The following CCNF variants were observed in gnomAD, a reference collection of about 807,000 sequenced individuals.
The protein encoded by CCNF is cyclin F.
Under a neutral mutation model 85.4 loss-of-function variants are expected in CCNF, and 30 were observed. The ratio of observed to expected loss-of-function variants is 0.35; its 90% CI spans 0.26 to 0.48. The LOEUF is 0.48. Ranked by LOEUF, CCNF falls within the 20% of genes least tolerant of loss-of-function variation. The probability of loss-of-function intolerance (pLI) is 0.99; values close to 1 mark genes in which losing one functional copy is unlikely to be tolerated. For missense variants in CCNF, 919 were observed against 1,010.4 expected, an observed-to-expected ratio of 0.91 and a Z score of 1.23; for synonymous variants, 439 against 425.1, an observed-to-expected ratio of 1.03 and a Z score of -0.40.
chr16:2,434,956 G>A (rs943861704), intron 3 of CCNF, among the ~76,000 whole-genome samples: 5 of 152,096 alleles, frequency 3.3e-5, no homozygotes, highest in African/African-American at 1.2e-4. Flanking sequence ...TTGATTACAT[G>A]TTATTAAGAA....
In CCNF at chr16:2,453,427, G is replaced by A. The variant is rs763692643; in HGVS notation, c.1605G>A (p.Gln535=). 1 of 1,614,034 alleles carries A rather than the reference G, an allele frequency of 6.2e-7. No homozygotes were observed. Among genetic ancestry groups the A allele is most frequent in the South Asian group, 1.1e-5 (1 of 91,084 alleles). The part of the protein sequence containing the change: ...ISQEEVLSYS[Q]LCAALGVTQD... ...CCCCTCAGGTGCTGAGCTACAGCCA[G>A]TTGTGTGCTGCATTAGGAGTGACAC... Residue 535 remains glutamine (Q), a synonymous_variant, in exon 15 of 17, where the codon CAG becomes CAA. Coordinates refer to ENST00000397066, the MANE Select transcript of CCNF (RefSeq NM_001761.3). This position sits in a 1 kb window ranked among gnomAD's most constrained non-coding sequence, Gnocchi z 5.6.
In CCNF at chr16:2,435,246, T is replaced by A. The variant is rs375251632; in HGVS notation, c.279-560T>A. ...AGCCTGGGCAACAGAGCAGACTCCG[T>A]CTCAAAAAAAAAAAAGAAAAGAAAA... is the stretch of plus-strand genomic sequence containing the variant. On this transcript the variant is annotated intron_variant, in intron 3 of 16. Transcript: ENST00000397066. Among the ~76,000 whole-genome samples, 3 of 105,290 alleles carry A rather than the reference T, an allele frequency of 2.8e-5. No homozygotes were observed. The East Asian group carries it at 8.1e-4, about 28-fold the overall frequency. The allele number at this position is 105,290 out of a possible 152,430, so 69.1% of individuals were successfully genotyped here. A position where few individuals can be genotyped will look rare whatever the true frequency, so the allele number is the denominator to read the frequency against.
chr16:2,431,414 C>T, intron 2 of CCNF, 130 bp downstream of exon 2: 2 of 949,636 alleles, frequency 2.1e-6, no homozygotes, highest in South Asian at 1.6e-5. Flanking sequence ...CACGGTGGCT[C>T]ATGCCTTAAT....
At chr16:2,438,936 TTTAG>T (rs1379974818) in intron 6 of CCNF, among the ~76,000 whole-genome samples, 2 of 150,792 alleles carry the variant, frequency 1.3e-5, no homozygotes, top group Non-Finnish European at 2.9e-5. Flanking sequence ...AAGCTGAGGT[TTTAG>T]TTAGCCAAGA....
In CCNF at chr16:2,437,305, G is replaced by T; in HGVS notation, c.523G>T (p.Glu175Ter). The change falls in exon 5 of 17, where the codon GAG becomes TAG. Residue 175 changes from glutamate to a stop codon, truncating the protein, a stop_gained. Coordinates refer to ENST00000397066, the MANE Select transcript of CCNF (RefSeq NM_001761.3). LOFTEE classifies it high-confidence loss of function. ...KAVVHESLRA[E>*]CQLQRTHKAS... The stretch of plus-strand genomic sequence containing the variant: ...CGTGGTTCACGAGAGCCTCAGGGCA[G>T]AGTGCCAGCTGCAGAGGGTGAGTCT... 1 of 1,594,946 alleles carries T rather than the reference G, an allele frequency of 6.3e-7. No individual in the cohort carries two copies.
At chr16:2,454,057 C>CT (rs2065410663) in intron 15 of CCNF, among the ~76,000 whole-genome samples, 1 of 152,206 alleles carries the variant, frequency 6.6e-6, no homozygotes, top group Non-Finnish European at 1.5e-5. Context: ...CACAAGGCCC[C>CT]GATGAACAGG....
chr16:2,440,842 G>A (rs763592119), intron 8 of CCNF, among the ~76,000 whole-genome samples: 3 of 152,126 alleles, frequency 2.0e-5, no homozygotes, highest in Non-Finnish European at 2.9e-5. Flanking sequence ...CAATCCCAGC[G>A]CTGTAGGAGG....
At chr16:2,431,090 T>A in intron 1 of CCNF, 40 bp from the exon 2 acceptor site, 1 of 1,606,628 alleles carries the variant, frequency 6.2e-7, no homozygotes, top group African/African-American at 1.3e-5. Flanking sequence ...TATAGAATAA[T>A]TTTTCATCTT....
chr16:2,448,912 T>C lies in CCNF; in HGVS notation c.1152T>C (p.Thr384=). Residue 384 remains threonine, a synonymous_variant, in exon 11 of 17, where the codon ACT becomes ACC. Coordinates refer to ENST00000397066, the MANE Select transcript of CCNF (RefSeq NM_001761.3). ...IREAVWLTDN[T]YKYEDLVRMM... ...AGGCCGTATGGCTCACGGACAACACTTACAAGTACGAGGACCTGGTGAGAA... is the reference window on the plus strand; with the variant it reads ...AGGCCGTATGGCTCACGGACAACACCTACAAGTACGAGGACCTGGTGAGAA... 1 of 1,613,942 alleles carries C rather than the reference T, an allele frequency of 6.2e-7. No homozygotes were observed. Among genetic ancestry groups the C allele is most frequent in the Admixed American group, 1.7e-5 (1 of 60,022 alleles).
At chr16:2,446,190 T>C (rs1243324757) in intron 10 of CCNF, among the ~76,000 whole-genome samples, 1 of 151,928 alleles carries the variant, frequency 6.6e-6, no homozygotes, top group East Asian at 1.9e-4. Context: ...TGGCATGCAG[T>C]CTCAGGACCC....
rs754435611 is a variant in CCNF, at chr16:2,445,473, C to G, written c.945C>G (p.Asp315Glu). 2 of 1,614,028 alleles carry G rather than the reference C, an allele frequency of 1.2e-6. No homozygotes were observed. The highest frequency in any genetic ancestry group is 1.3e-5 in the African/African-American group (1 of 74,944). Reference protein sequence around the residue: ...LNDTMRYILIDWLVEVATMKD... With the variant: ...LNDTMRYILIEWLVEVATMKD... Reference sequence around the variant, plus strand: ...CTTTCCGCAGGTACATTCTGATCGACTGGCTGGTGGAAGTTGCCACCATGA... The same window carrying G: ...CTTTCCGCAGGTACATTCTGATCGAGTGGCTGGTGGAAGTTGCCACCATGA... The change falls in exon 10 of 17, where the codon GAC becomes GAG. Residue 315 changes from aspartate (D) to glutamate (E), a missense_variant. Physicochemically the swap from Asp to Glu is conservative, Grantham distance 45. Around this residue, in one of 3 missense-constraint regions of CCNF, gnomAD observed 410 missense variants for 478.6 expected, o/e 0.86. Coordinates refer to ENST00000397066, the MANE Select transcript of CCNF (RefSeq NM_001761.3).
At chr16:2,447,695 G>A (rs1044762098) in intron 10 of CCNF, among the ~76,000 whole-genome samples, 3 of 152,002 alleles carry the variant, frequency 2.0e-5, no homozygotes, top group Non-Finnish European at 2.9e-5. Context: ...AGGTTGCAGT[G>A]AGCTGAGATA....
Position 2,457,137 on chromosome 16 carries a change from G to A in CCNF, c.*117G>A. On this transcript the variant is annotated 3_prime_UTR_variant, in exon 17 of 17. Coordinates refer to ENST00000397066, the MANE Select transcript of CCNF (RefSeq NM_001761.3). ...GAGGCCTTTGCGCAGAGAGCAGAGA[G>A]GATGACTTGCGGCCACCAAGTTTCT... 5 of 753,634 alleles carry A rather than the reference G, an allele frequency of 6.6e-6. No homozygotes were observed. The highest frequency in any genetic ancestry group is 8.3e-6 in the Non-Finnish European group (4 of 480,334). 46.7% of individuals were successfully genotyped at this position (753,634 alleles called of 1,614,324 possible). A position where few individuals can be genotyped will look rare whatever the true frequency, so the allele number is the denominator to read the frequency against.
At chr16:2,432,074 C>T (rs1307743209) in intron 2 of CCNF, among the ~76,000 whole-genome samples, 2 of 152,130 alleles carry the variant, frequency 1.3e-5, no homozygotes, top group Admixed American at 6.5e-5. Flanking sequence ...TCGTGATCCG[C>T]CCGCCTCGGC....
chr16:2,449,651 G>C (rs1280634734), intron 12 of CCNF, among the ~76,000 whole-genome samples, 177 bp from the exon 13 acceptor site: 1 of 152,120 alleles, frequency 6.6e-6, no homozygotes, highest in East Asian at 1.9e-4. Context: ...CTATGTATGG[G>C]TTTTTTTCAA....
chr16:2,444,220 T>C (rs1295605172), intron 9 of CCNF, among the ~76,000 whole-genome samples: 1 of 144,716 alleles, frequency 6.9e-6, no homozygotes, highest in African/African-American at 2.5e-5. Context: ...CGCCCAGCCT[T>C]GGGTGTTTTT....
At chr16:2,432,827 T>A (rs2065269444) in intron 2 of CCNF, 134 bp from the exon 3 acceptor site, 3 of 566,844 alleles carry the variant, frequency 5.3e-6, no homozygotes, top group Non-Finnish European at 9.6e-6. Context: ...ACACAGAGAT[T>A]GGGGACCTCA....
intron 9 of CCNF, among the ~76,000 whole-genome samples, chr16:2,444,592 G>A (rs1320184869): frequency 2.7e-5 from 4 of 148,852 alleles, no homozygotes; most frequent in South Asian, 2.1e-4. Flanking sequence ...GAGCCACCAC[G>A]CCCAGCCACC....
At position 2,449,420 on chromosome 16, in the gene CCNF, G is replaced by A. The variant is rs1412126243; in HGVS notation, c.1357G>A (p.Ala453Thr). ...GTCCGCCTACGCCCCAGCCCGCCTG[G>A]CTGCCGCAGCCCTGCTCCTGGCCAG... ...SLSAYAPARL[A>T]AAALLLARLT... Residue 453 changes from alanine to threonine, a missense_variant, in exon 12 of 17, where the codon GCT becomes ACT. Physicochemically the swap from Ala to Thr is moderately conservative, Grantham distance 58. Coordinates refer to ENST00000397066, the MANE Select transcript of CCNF (RefSeq NM_001761.3). The A allele has an allele frequency of 6.2e-7, 1 of 1,609,686 alleles. No individual in the cohort carries two copies. Among genetic ancestry groups the A allele is most frequent in the African/African-American group, 1.3e-5 (1 of 75,076 alleles).
Sources: allele counts gnomAD v4.1 joint callset (sites outside exome capture counted in the v4.1 genomes callset), GRCh38; gene constraint gnomAD v4.1.1; regional missense constraint gnomAD v4.1.1; non-coding constraint Gnocchi (gnomAD v3.1); transcripts MANE v1.5; gene names NCBI Gene and HGNC (gene_info 2026-07-23, HGNC 2026-07-21).